Variants in TBC1D22A observed in about 807,000 individuals in gnomAD.
TBC1D22A encodes the protein putative GTPase activator.
TBC1D22A carries 38 observed loss-of-function variants against 60.2 expected under a neutral mutation model. That is an observed-to-expected ratio of 0.63 (90% CI 0.49 to 0.83). The LOEUF (loss-of-function observed/expected upper bound fraction) is 0.83. Ranked by LOEUF, TBC1D22A falls within the 40% of genes least tolerant of loss-of-function variation. TBC1D22A has a pLI of 0.00. For missense variants in TBC1D22A, 628 were observed against 701.0 expected, an observed-to-expected ratio of 0.90 and a Z score of 1.18; for synonymous variants, 302 against 281.7, an observed-to-expected ratio of 1.07 and a Z score of -0.72.
chr22:46,796,580 G>A (rs2084663374), intron 3 of TBC1D22A, among the ~76,000 whole-genome samples: 1 of 152,120 alleles, frequency 6.6e-6, no homozygotes, highest in African/African-American at 2.4e-5. Context: ...TGTTGGTCTC[G>A]GATGGCAGTG....
In TBC1D22A at chr22:47,009,598, G is replaced by GTCA. The variant is rs2061693774; in HGVS notation, c.1201+11893_1201+11895dup. Among the ~76,000 whole-genome samples, 1 of 150,358 alleles carries GTCA rather than the reference G, an allele frequency of 6.7e-6. No homozygotes were observed. The highest frequency in any genetic ancestry group is 1.5e-5 in the Non-Finnish European group (1 of 67,796). ...TCATCATCACCATCACCATCATTCT[G>GTCA]TCATCACCATCATCATTACTATCAC... On this transcript the variant is annotated intron_variant, in intron 10 of 12. Coordinates refer to ENST00000337137, the MANE Select transcript of TBC1D22A (RefSeq NM_014346.5). The surrounding 1 kb of genome is among the most constrained non-coding windows in gnomAD (Gnocchi z 5.8).
At chr22:46,769,356 G>C (rs545712346) in intron 1 of TBC1D22A, among the ~76,000 whole-genome samples, 1 of 152,332 alleles carries the variant, frequency 6.6e-6, no homozygotes, top group East Asian at 1.9e-4. Context: ...AAACGTTTAC[G>C]AGCTCCTCTC....
chr22:46,979,550 G>A (rs1200505755), intron 9 of TBC1D22A, among the ~76,000 whole-genome samples: 4 of 152,188 alleles, frequency 2.6e-5, no homozygotes, highest in Non-Finnish European at 5.9e-5. Flanking sequence ...CAGGCTTTCC[G>A]TGTTCTTCCA....
intron 4 of TBC1D22A, among the ~76,000 whole-genome samples, chr22:46,809,920 G>A (rs1311443663): frequency 1.3e-5 from 2 of 152,094 alleles, no homozygotes; most frequent in Non-Finnish European, 2.9e-5. Context: ...CCTCTCCCAT[G>A]CTGCTATAAT....
rs867600460 is a variant in TBC1D22A, at chr22:46,793,833, G to A, written c.452G>A (p.Cys151Tyr). 5 of 1,572,934 alleles carry A rather than the reference G, an allele frequency of 3.2e-6. No homozygotes were observed. The South Asian group carries it at 4.6e-5, about 15-fold the overall frequency. The change falls in exon 3 of 13, where the codon TGT (cysteine) becomes TAT (tyrosine). Residue 151 changes from cysteine to tyrosine, a missense_variant. By Grantham distance (194) the Cys-to-Tyr change is radical. Coordinates refer to ENST00000337137, the MANE Select transcript of TBC1D22A (RefSeq NM_014346.5). ...VKSVSESHTS[C>Y]PAESASDAAP... Reference sequence around the variant, plus strand: ...TCGGTCAGTGAGAGCCACACGTCCTGTCCTGCAGGTACGATGGGAGGACTG... The same window carrying A: ...TCGGTCAGTGAGAGCCACACGTCCTATCCTGCAGGTACGATGGGAGGACTG...
At chr22:47,125,147 C>G (rs901297296) in intron 12 of TBC1D22A, among the ~76,000 whole-genome samples, 2 of 152,108 alleles carry the variant, frequency 1.3e-5, no homozygotes, top group Admixed American at 6.5e-5. Context: ...ACATCTCTGC[C>G]CCATTGAGTC....
At chr22:47,006,828 C>T (rs2061608265) in intron 10 of TBC1D22A, among the ~76,000 whole-genome samples, 1 of 152,188 alleles carries the variant, frequency 6.6e-6, no homozygotes. Context: ...GCCGCCTTCC[C>T]TGACAGGCTG....
chr22:46,775,484 C>T (rs1569013955), intron 1 of TBC1D22A, among the ~76,000 whole-genome samples: 1 of 152,146 alleles, frequency 6.6e-6, no homozygotes, highest in South Asian at 2.1e-4. Context: ...CAGAGCGCCA[C>T]CTCTTCTGTT....
At chr22:46,960,165 A>G (rs947222947) in intron 8 of TBC1D22A, among the ~76,000 whole-genome samples, 6 of 152,194 alleles carry the variant, frequency 3.9e-5, no homozygotes, top group African/African-American at 1.4e-4. Context: ...CCTGCCTCCA[A>G]CAGGAATGTT....
intron 9 of TBC1D22A, among the ~76,000 whole-genome samples, chr22:46,980,709 A>C (rs2074482072): frequency 6.6e-6 from 1 of 151,488 alleles, no homozygotes; most frequent in South Asian, 2.1e-4. Context: ...GAAATGTACT[A>C]GAGGAAAGCC....
At chr22:46,821,316 G>A (rs1405844027) in intron 4 of TBC1D22A, among the ~76,000 whole-genome samples, 1 of 152,136 alleles carries the variant, frequency 6.6e-6, no homozygotes, top group African/African-American at 2.4e-5. Context: ...AGTTGATGCA[G>A]TTGCTTCATA....
chr22:46,816,790 C>T (rs985723954), intron 4 of TBC1D22A, among the ~76,000 whole-genome samples: 9 of 152,170 alleles, frequency 5.9e-5, no homozygotes, highest in African/African-American at 2.2e-4. Flanking sequence ...ATTCACAGGC[C>T]ACTTTAACAT....
intron 8 of TBC1D22A, among the ~76,000 whole-genome samples, chr22:46,939,613 T>C (rs529246460): frequency 1.1e-4 from 16 of 152,240 alleles, no homozygotes; most frequent in Non-Finnish European, 1.9e-4. Context: ...GTCATTGTAA[T>C]TGATGTTCAT....
intron 8 of TBC1D22A, chr22:46,913,833 A>G (rs2070142007): frequency 1.1e-6 from 1 of 896,126 alleles, no homozygotes; most frequent in South Asian, 5.1e-5. Flanking sequence ...GCGATTCTTA[A>G]TGCATTTGCC....
At chr22:47,062,087 C>CAAAAAAAAAAAAAAAAAAAAAAAAAA (rs908701365) in intron 11 of TBC1D22A, among the ~76,000 whole-genome samples, 3 of 62,996 alleles carry the variant, frequency 4.8e-5, no homozygotes, top group African/African-American at 2.2e-4. Context: ...GACTCCATCT[C>CAAAAAAAAAAAAAAAAAAAAAAAAAA]AAAAAAAAAA....
intron 11 of TBC1D22A, among the ~76,000 whole-genome samples, chr22:47,106,797 G>C (rs998077738): frequency 5.9e-5 from 9 of 152,164 alleles, no homozygotes; most frequent in African/African-American, 2.2e-4. Flanking sequence ...GAGGTGGGTG[G>C]ATCACAGGGT....
In TBC1D22A at chr22:46,883,340, A is replaced by G. The variant is rs113350213; in HGVS notation, c.708+4617A>G. 4.1e-3 allele frequency among the ~76,000 whole-genome samples: 627 copies of G among 152,396 alleles called. 4 individuals are homozygous for G. Among genetic ancestry groups the G allele is most frequent in the African/African-American group, 0.014 (598 of 41,598 alleles). On this transcript the variant is annotated intron_variant, in intron 5 of 12. Coordinates refer to ENST00000337137, the MANE Select transcript of TBC1D22A (RefSeq NM_014346.5). ...CATTTATGATGAGTGTTTTTATAGC[A>G]TGCTAATACAGCAATTAAGTTTTCT...
intron 11 of TBC1D22A, among the ~76,000 whole-genome samples, chr22:47,093,378 A>G (rs1363945342): frequency 2.0e-5 from 3 of 151,998 alleles, no homozygotes; most frequent in East Asian, 1.9e-4. Flanking sequence ...ATTCTTAGCT[A>G]GTTTTTGCTG....
intron 12 of TBC1D22A, among the ~76,000 whole-genome samples, chr22:47,137,199 T>C (rs984794868): frequency 6.6e-6 from 1 of 152,226 alleles, no homozygotes; most frequent in Non-Finnish European, 1.5e-5. Context: ...CATGGTAGGA[T>C]TTCTCAGTTC....
Sources: allele counts gnomAD v4.1 joint callset (sites outside exome capture counted in the v4.1 genomes callset), GRCh38; gene constraint gnomAD v4.1.1; non-coding constraint Gnocchi (gnomAD v3.1); transcripts MANE v1.5; gene names NCBI Gene and HGNC (gene_info 2026-07-23, HGNC 2026-07-21).